TMC7: variants seen among roughly 807,000 people sequenced by gnomAD.
The protein encoded by TMC7 is transmembrane channel-like protein 7.
A neutral mutation model predicts 82.9 loss-of-function variants in TMC7; 54 were observed. The observed-to-expected ratio is 0.65, with a 90% CI of 0.52 to 0.82. The LOEUF is 0.82. Ranked by LOEUF, TMC7 falls within the 40% of genes least tolerant of loss-of-function variation. The pLI, the probability that TMC7 is intolerant of heterozygous loss-of-function variation, is 0.00. For synonymous variants in TMC7, 350 were observed against 337.9 expected, an observed-to-expected ratio of 1.04 and a Z score of -0.39; for missense variants, 820 against 901.2, an observed-to-expected ratio of 0.91 and a Z score of 1.15.
intron 15 of TMC7, 123 bp from the exon 16 acceptor site, chr16:19,061,655 A>C (rs1962017017): frequency 8.2e-6 from 6 of 729,772 alleles, no homozygotes; most frequent in Non-Finnish European, 1.3e-5. Flanking sequence ...ACACAATGAC[A>C]GACCAGATGA....
intron 14 of TMC7, among the ~76,000 whole-genome samples, chr16:19,058,208 A>G (rs1961856692): frequency 1.3e-5 from 2 of 152,282 alleles, no homozygotes; most frequent in African/African-American, 4.8e-5. Context: ...CCTGACCAAC[A>G]TGGTGAAACA....
At chr16:19,047,386 C>T in intron 12 of TMC7, 137 bp downstream of exon 12, 1 of 683,898 alleles carries the variant, frequency 1.5e-6, no homozygotes. Flanking sequence ...TATGTTTATT[C>T]TAGAAAAATA....
chr16:18,984,078 C>A lies in TMC7; in HGVS notation c.15C>A (p.Ser5Arg), dbSNP rs1001184266. 2.6e-5 allele frequency: 39 copies of A among 1,499,446 alleles called. No homozygotes were observed. In the African/African-American group the frequency reaches 4.8e-4, roughly 18 times the overall value. 92.9% of individuals were successfully genotyped at this position (1,499,446 alleles called of 1,614,324 possible). Reference protein sequence around the residue: MSESSGSALQPGRPS... With the variant: MSESRGSALQPGRPS... Reference sequence around the variant, plus strand: ...GGGGCGCGGCCATGAGCGAGTCCAGCGGCAGTGCGCTCCAGCCCGGCAGGC... The same window carrying A: ...GGGGCGCGGCCATGAGCGAGTCCAGAGGCAGTGCGCTCCAGCCCGGCAGGC... Residue 5 changes from serine to arginine, a missense_variant, in exon 1 of 16, where the codon AGC becomes AGA. Physicochemically the swap from Ser to Arg is moderately radical, Grantham distance 110. Coordinates refer to ENST00000304381, the MANE Select transcript of TMC7 (RefSeq NM_024847.4).
intron 1 of TMC7, among the ~76,000 whole-genome samples, chr16:19,007,561 G>A (rs191863352): frequency 1.3e-5 from 2 of 151,938 alleles, no homozygotes; most frequent in African/African-American, 4.8e-5. Flanking sequence ...ATATCCAGGG[G>A]TCTCACCCCT....
intron 1 of TMC7, among the ~76,000 whole-genome samples, chr16:18,997,004 G>C (rs1000914089): frequency 2.6e-5 from 4 of 152,212 alleles, no homozygotes; most frequent in African/African-American, 9.6e-5. Context: ...GGAATGACAG[G>C]GAGATTGAAG....
intron 8 of TMC7, among the ~76,000 whole-genome samples, chr16:19,039,089 T>TTTG (rs1960889084): frequency 7.5e-6 from 1 of 133,056 alleles, no homozygotes; most frequent in African/African-American, 2.9e-5. Context: ...TTCTTTCTTT[T>TTTG]TTCTTTTTTT....
Position 19,038,031 on chromosome 16 carries a change from A to C in TMC7, c.1163A>C (p.Gln388Pro), listed in dbSNP as rs759783934. The C allele has an allele frequency of 6.2e-7, 1 of 1,613,628 alleles. No individual in the cohort carries two copies. The highest frequency in any genetic ancestry group is 8.5e-7 in the Non-Finnish European group (1 of 1,179,882). Residue 388 changes from glutamine (Q) to proline (P), a missense_variant, in exon 8 of 16, where the codon CAA becomes CCA. Gln to Pro is a moderately conservative substitution (Grantham distance 76). Around this residue, in one of 2 missense-constraint regions of TMC7, gnomAD observed 650 missense variants for 669.9 expected, o/e 0.97. Coordinates refer to ENST00000304381, the MANE Select transcript of TMC7 (RefSeq NM_024847.4). The stretch of plus-strand genomic sequence containing the variant: ...ATATACGTAGCAACTGTCTTCTCGC[A>C]AGAGCACATGAAAAAGGTAAATTAA... ...YAIYVATVFS[Q>P]EHMKKEIDKM...
intron 12 of TMC7, 46 bp downstream of exon 12, chr16:19,047,295 G>C (rs770316589): frequency 2.5e-6 from 4 of 1,569,102 alleles, no homozygotes; most frequent in Non-Finnish European, 2.6e-6. Context: ...GGCCATTTTC[G>C]ACCTTCCAGG....
intron 2 of TMC7, among the ~76,000 whole-genome samples, chr16:19,011,837 A>G (rs1454400297): frequency 6.6e-6 from 1 of 152,156 alleles, no homozygotes; most frequent in African/African-American, 2.4e-5. Flanking sequence ...CTCAAAAAAT[A>G]TTGAGACTTT....
chr16:18,984,410 G>A, intron 1 of TMC7: 1 of 1,247,794 alleles, frequency 8.0e-7, no homozygotes, highest in South Asian at 2.9e-5. Flanking sequence ...TGTTGACCGA[G>A]ACAGTCTTTC....
chr16:19,040,255 T>G (rs1960950971), intron 8 of TMC7, 34 bp from the exon 9 acceptor site: 2 of 1,593,948 alleles, frequency 1.3e-6, no homozygotes, highest in African/African-American at 2.7e-5. Context: ...CTTCCTCATA[T>G]ACTCCTGACT....
At chr16:18,990,840 G>A (rs184767364) in intron 1 of TMC7, among the ~76,000 whole-genome samples, 95 of 152,196 alleles carry the variant, frequency 6.2e-4, no homozygotes, top group African/African-American at 2.1e-3. Flanking sequence ...TTAGGGTGGG[G>A]TAGAAACAGA....
At chr16:19,037,738 G>A in intron 7 of TMC7, 136 bp from the exon 8 acceptor site, 1 of 924,204 alleles carries the variant, frequency 1.1e-6, no homozygotes, top group Non-Finnish European at 1.6e-6. Flanking sequence ...CTGCCACGGT[G>A]CTAGGGTTAC....
At chr16:19,060,504 C>T (rs1050973125) in intron 15 of TMC7, among the ~76,000 whole-genome samples, 1 of 151,882 alleles carries the variant, frequency 6.6e-6, no homozygotes, top group Non-Finnish European at 1.5e-5. Flanking sequence ...TATGCCTGGA[C>T]CCTAGCTGAG....
Position 19,047,105 on chromosome 16 carries a change from C to G in TMC7, c.1596C>G (p.Cys532Trp). ...GTTCCTCTTGCAAGCTGATTCAGTG[C>G]TGGGGGCAGCAGGAGTTTGCCATTC... ...TYCSSCKLIQ[C>W]WGQQEFAIPD... Residue 532 changes from cysteine to tryptophan, a missense_variant, in exon 12 of 16, where the codon TGC becomes TGG. Coordinates refer to ENST00000304381, the MANE Select transcript of TMC7 (RefSeq NM_024847.4). 1 of 1,613,780 alleles carries G rather than the reference C, an allele frequency of 6.2e-7. No homozygotes were observed. The highest frequency in any genetic ancestry group is 8.5e-7 in the Non-Finnish European group (1 of 1,179,908).
intron 3 of TMC7, among the ~76,000 whole-genome samples, chr16:19,020,539 T>C (rs1213902019): frequency 6.6e-6 from 1 of 152,200 alleles, no homozygotes; most frequent in Non-Finnish European, 1.5e-5. Flanking sequence ...ATTTAGAAAG[T>C]GAAATTTTTT....
At chr16:18,984,549 C>G (rs1005281218) in intron 1 of TMC7, 5 of 1,005,374 alleles carry the variant, frequency 5.0e-6, no homozygotes, top group Admixed American at 1.2e-4. Context: ...AAACCGAATT[C>G]TGCCTTGTCT....
intron 1 of TMC7, chr16:18,984,332 G>C (rs759041394): frequency 1.2e-5 from 15 of 1,299,608 alleles, no homozygotes; most frequent in Non-Finnish European, 1.5e-5. Flanking sequence ...ATCCAATCCA[G>C]TGGAACCCAG....
rs369503949 is a variant in TMC7, at chr16:19,021,611, C to G, written c.461-18C>G. 2 of 1,613,290 alleles carry G rather than the reference C, an allele frequency of 1.2e-6. No homozygotes were observed. The highest frequency in any genetic ancestry group is 2.2e-5 in the South Asian group (2 of 90,954). ...ATCAATATCCCTGGTCAGTGATGTC[C>G]GGGTTTGTTTTTTCCAGGGAAATTT... On this transcript the variant is annotated intron_variant, in intron 3 of 15. Transcript: ENST00000304381.
Sources: gnomAD v4.1 joint callset for allele counts (sites outside exome capture counted in the v4.1 genomes callset) on GRCh38, gnomAD v4.1.1 for gene constraint, gnomAD v4.1.1 regional missense constraint, MANE v1.5 for transcripts, NCBI Gene and HGNC (gene_info 2026-07-23, HGNC 2026-07-21) for gene names.